PLEKHA8: variants seen among roughly 807,000 people sequenced by gnomAD.
PLEKHA8 encodes the protein pleckstrin homology domain containing A8, also known as pleckstrin homology domain-containing family A member 8.
In PLEKHA8, 36 loss-of-function variants were observed where a neutral mutation model predicts 68.2. The observed-to-expected ratio is 0.53, with a 90% CI of 0.40 to 0.70. PLEKHA8 has a LOEUF of 0.70. Ranked by LOEUF, PLEKHA8 falls within the 30% of genes least tolerant of loss-of-function variation. The pLI is 0.00. For synonymous variants in PLEKHA8, 211 were observed against 216.1 expected, an observed-to-expected ratio of 0.98 and a Z score of 0.20; for missense variants, 505 against 615.4, an observed-to-expected ratio of 0.82 and a Z score of 1.90.
In PLEKHA8 at chr7:30,083,665, A is replaced by C. The variant is rs182673570; in HGVS notation, c.*4878A>C. On this transcript the variant is annotated 3_prime_UTR_variant, in exon 14 of 14. Coordinates refer to ENST00000449726, the MANE Select transcript of PLEKHA8 (RefSeq NM_001197026.2). ...AGGAAAAAAATACCACTACTCTGCA[A>C]TGCAAAAGTCTTCAAAATTCTTTGT... is the stretch of plus-strand genomic sequence containing the variant. 2.1e-3 allele frequency: 2,081 copies of C among 985,462 alleles called. 2 individuals carry two copies. Among genetic ancestry groups the C allele is most frequent in the Non-Finnish European group, 2.3e-3 (1,941 of 829,928 alleles). The allele number at this position is 985,462 out of a possible 1,614,324, so 61.0% of individuals were successfully genotyped here. A position where few individuals can be genotyped will look rare whatever the true frequency, so the allele number is the denominator to read the frequency against.
chr7:30,040,744 T>TC (rs1359228839), intron 1 of PLEKHA8, among the ~76,000 whole-genome samples: 1 of 152,140 alleles, frequency 6.6e-6, no homozygotes, highest in Admixed American at 6.5e-5. Flanking sequence ...ATTTAAATAC[T>TC]CTTTTTTTTT....
At chr7:30,058,445 G>A (rs181887718) in intron 9 of PLEKHA8, among the ~76,000 whole-genome samples, 5 of 146,772 alleles carry the variant, frequency 3.4e-5, no homozygotes, top group Admixed American at 2.7e-4. Flanking sequence ...TTTTTTGTGT[G>A]TGGTGTGAGG....
intron 9 of PLEKHA8, among the ~76,000 whole-genome samples, chr7:30,060,432 C>T (rs1166254433): frequency 6.7e-6 from 1 of 149,106 alleles, no homozygotes; most frequent in Non-Finnish European, 1.5e-5. Context: ...GCGAGAGACT[C>T]CATCTCAAAA....
chr7:30,061,092 C>A, intron 10 of PLEKHA8, 150 bp downstream of exon 10: 1 of 694,364 alleles, frequency 1.4e-6, no homozygotes, highest in Non-Finnish European at 2.4e-6. Flanking sequence ...ACTGTGAATG[C>A]TCAGTAAGGG....
At chr7:30,035,796 A>T (rs1791019142) in intron 1 of PLEKHA8, among the ~76,000 whole-genome samples, 1 of 151,542 alleles carries the variant, frequency 6.6e-6, no homozygotes, top group South Asian at 2.1e-4. Context: ...GGCGCCTGCC[A>T]CCAAGCCCGG....
chr7:30,065,562 AG>A (rs1373071680), intron 12 of PLEKHA8, among the ~76,000 whole-genome samples: 2 of 152,164 alleles, frequency 1.3e-5, no homozygotes, highest in Non-Finnish European at 2.9e-5. Flanking sequence ...CTCATTTTGA[AG>A]TCCCAGCCTT....
chr7:30,118,780 T>C (rs944749920), intron 13 of PLEKHA8, among the ~76,000 whole-genome samples: 1 of 152,024 alleles, frequency 6.6e-6, no homozygotes, highest in Non-Finnish European at 1.5e-5. Context: ...GGTTTCACCG[T>C]GTTAGCCAGG....
chr7:30,048,405 A>G (rs190750213), intron 4 of PLEKHA8, among the ~76,000 whole-genome samples: 4 of 152,338 alleles, frequency 2.6e-5, no homozygotes, highest in East Asian at 1.9e-4. Context: ...ATGTGCATCT[A>G]TGAGACTAAC....
chr7:30,049,337 C>G lies in PLEKHA8; in HGVS notation c.552C>G (p.Arg184=). ...NAAFTSELLY[R]TPPGSPQLAM... ...CCTTCACCTCTGAGCTGCTCTACCG[C>G]ACTCCACCAGGATCACCTCAGCTGG... Residue 184 remains arginine, a synonymous_variant, in exon 5 of 14, where the codon CGC becomes CGG. Coordinates refer to ENST00000449726, the MANE Select transcript of PLEKHA8 (RefSeq NM_001197026.2). 6.2e-7 allele frequency: 1 copy of G among 1,614,174 alleles called. No homozygotes were observed. The highest frequency in any genetic ancestry group is 8.5e-7 in the Non-Finnish European group (1 of 1,180,024).
Position 30,045,084 on chromosome 7 carries a change from G to C in PLEKHA8, c.41-1G>C. On this transcript the variant is annotated splice_acceptor_variant, in intron 1 of 13. Transcript: ENST00000449726. LOFTEE classifies it high-confidence loss of function. ...AATGATGCTCTTGCTTTTGTTTTCA[G>C]GTTGGCAGCCTCGATGGTTCCTTCT... 1 of 1,594,178 alleles carries C rather than the reference G, an allele frequency of 6.3e-7. No homozygotes were observed. The highest frequency in any genetic ancestry group is 8.5e-7 in the Non-Finnish European group (1 of 1,171,076).
chr7:30,034,152 G>A (rs1790881586), intron 1 of PLEKHA8, among the ~76,000 whole-genome samples: 1 of 150,526 alleles, frequency 6.6e-6, no homozygotes, highest in African/African-American at 2.4e-5. Flanking sequence ...AGGACTACAG[G>A]TGTGTGCCAC....
intron 1 of PLEKHA8, among the ~76,000 whole-genome samples, chr7:30,044,654 A>G (rs922198251): frequency 3.3e-5 from 5 of 152,242 alleles, no homozygotes. Flanking sequence ...AGTTTTGGAT[A>G]ATTTTTCTTA....
chr7:30,088,316 G>T (rs887996918), downstream of PLEKHA8, among the ~76,000 whole-genome samples: 1 of 152,136 alleles, frequency 6.6e-6, no homozygotes, highest in African/African-American at 2.4e-5. Flanking sequence ...AGAATGCAAG[G>T]TCCAGCTCAT....
chr7:30,120,805 C>T (rs1796683889), intron 13 of PLEKHA8, among the ~76,000 whole-genome samples: 2 of 152,154 alleles, frequency 1.3e-5, no homozygotes, highest in African/African-American at 2.4e-5. Context: ...CTTCAAACAC[C>T]GTAAGTAGGT....
chr7:30,077,017 C>G (rs749524388), intron 13 of PLEKHA8, among the ~76,000 whole-genome samples: 2 of 152,154 alleles, frequency 1.3e-5, no homozygotes, highest in Non-Finnish European at 2.9e-5. Context: ...TTCATTTGAC[C>G]TTTTTGGTTT....
intron 13 of PLEKHA8, chr7:30,129,193 G>C: frequency 1.2e-6 from 2 of 1,606,664 alleles, no homozygotes; most frequent in Non-Finnish European, 1.7e-6. Context: ...ACAGGAAGTT[G>C]CTGGTTGGGA....
intron 3 of PLEKHA8, 28 bp from the exon 4 acceptor site, chr7:30,047,804 A>G (rs749553487): frequency 7.9e-5 from 126 of 1,599,754 alleles, no homozygotes; most frequent in Admixed American, 1.2e-4. Flanking sequence ...TGTTCTGGTT[A>G]CTGCATTATC....
chr7:30,113,388 A>G (rs1471853182), intron 13 of PLEKHA8, among the ~76,000 whole-genome samples: 1 of 152,006 alleles, frequency 6.6e-6, no homozygotes, highest in Non-Finnish European at 1.5e-5. Flanking sequence ...TTTTGAAGAT[A>G]TTTTTTCTGT....
downstream of PLEKHA8, among the ~76,000 whole-genome samples, chr7:30,091,943 C>A (rs1795429267): frequency 6.6e-6 from 1 of 152,172 alleles, no homozygotes; most frequent in African/African-American, 2.4e-5. Context: ...GAGCAGTAAA[C>A]TTTATTCCAC....
Sources: gnomAD v4.1 joint callset for allele counts (sites outside exome capture counted in the v4.1 genomes callset) on GRCh38, gnomAD v4.1.1 for gene constraint, MANE v1.5 for transcripts, NCBI Gene and HGNC (gene_info 2026-07-23, HGNC 2026-07-21) for gene names.